SH3RF1: variants seen among roughly 807,000 people sequenced by gnomAD.
SH3RF1 encodes the protein E3 ubiquitin-protein ligase SH3RF1.
Under a neutral mutation model 74.0 loss-of-function variants are expected in SH3RF1, and 32 were observed. The ratio of observed to expected loss-of-function variants is 0.43; its 90% CI spans 0.33 to 0.58. The LOEUF (loss-of-function observed/expected upper bound fraction) is 0.58, where lower values mean the gene tolerates loss of function less well. SH3RF1 is among the 20% of genes least tolerant of loss of function. The pLI is 0.05. For synonymous variants in SH3RF1, 396 were observed against 439.6 expected (o/e 0.90, Z 1.24); for missense variants, 954 against 1,130.9 (o/e 0.84, Z 2.24).
chr4:169,112,783 T>A (rs113472843), intron 10 of SH3RF1, among the ~76,000 whole-genome samples: 1 of 151,918 alleles, frequency 6.6e-6, no homozygotes, highest in Admixed American at 6.5e-5. Context: ...CAAAAAAAAA[T>A]TTTGTAAGAG....
chr4:169,205,555 G>C (rs1307642288), intron 2 of SH3RF1, among the ~76,000 whole-genome samples: 1 of 152,170 alleles, frequency 6.6e-6, no homozygotes, highest in Non-Finnish European at 1.5e-5. Context: ...GCACAGTGCA[G>C]CACTGAGCAT....
chr4:169,111,838 C>T (rs965310123), intron 10 of SH3RF1, among the ~76,000 whole-genome samples: 1 of 152,118 alleles, frequency 6.6e-6, no homozygotes, highest in Non-Finnish European at 1.5e-5. Flanking sequence ...GTTTCAGATG[C>T]CTGTTTATCA....
rs182380151 is a variant in SH3RF1, at chr4:169,214,657, A to G, written c.393+54163T>C. On this transcript the variant is annotated intron_variant, in intron 2 of 11. Coordinates refer to ENST00000284637, the MANE Select transcript of SH3RF1 (RefSeq NM_020870.4). The stretch of plus-strand genomic sequence containing the variant: ...TGCATGTTTTGTTAGCTTTATAGCT[A>G]TAAGTATATAGGTCCATATATATGT... Among the ~76,000 whole-genome samples, 274 of 152,258 alleles carry G rather than the reference A, an allele frequency of 1.8e-3. 1 individual carries two copies. Among genetic ancestry groups the G allele is most frequent in the Non-Finnish European group, 2.9e-3 (197 of 68,018 alleles).
At chr4:169,193,288 G>GTGAA (rs1345956785) in intron 2 of SH3RF1, among the ~76,000 whole-genome samples, 4 of 152,162 alleles carry the variant, frequency 2.6e-5, no homozygotes, top group East Asian at 3.9e-4. Flanking sequence ...TATGGAAATA[G>GTGAA]TGAATGAATG....
At chr4:169,214,745 T>C (rs1423086417) in intron 2 of SH3RF1, among the ~76,000 whole-genome samples, 1 of 152,178 alleles carries the variant, frequency 6.6e-6, no homozygotes, top group African/African-American at 2.4e-5. Context: ...GTTTTTAACT[T>C]CTAGTTTCAT....
chr4:169,156,350 T>A, intron 3 of SH3RF1, 54 bp downstream of exon 3: 1 of 1,480,902 alleles, frequency 6.8e-7, no homozygotes, highest in Non-Finnish European at 9.0e-7. Context: ...TTTCTATGTA[T>A]CTGGGTACAG....
At chr4:169,187,979 G>A (rs1222345058) in intron 2 of SH3RF1, among the ~76,000 whole-genome samples, 2 of 152,116 alleles carry the variant, frequency 1.3e-5, no homozygotes, top group Admixed American at 1.3e-4. Flanking sequence ...TCAGAGTGAA[G>A]AAGGCTGGGT....
intron 4 of SH3RF1, among the ~76,000 whole-genome samples, chr4:169,143,094 T>C (rs1579103870): frequency 1.3e-5 from 2 of 152,176 alleles, no homozygotes; most frequent in African/African-American, 4.8e-5. Flanking sequence ...ATTTGTTGAA[T>C]GAATAAAAAT....
In SH3RF1 at chr4:169,156,658, C is replaced by A; in HGVS notation, c.415G>T (p.Ala139Ser). The A allele has an allele frequency of 6.2e-7, 1 of 1,611,178 alleles. No homozygotes were observed. ...CCTTCATAGTTGTATAATGCTTTGG[C>A]ACATGGTAACTGAGGTATACCCTTT... Reference protein sequence around the residue: ...PVRGIPQLPCAKALYNYEGKE... With the variant: ...PVRGIPQLPCSKALYNYEGKE... The change falls in exon 3 of 12, where the codon GCC becomes TCC. Residue 139 changes from alanine (A) to serine (S), a missense_variant. Physicochemically the swap from Ala to Ser is moderately conservative, Grantham distance 99 (BLOSUM62 1). This residue lies in a region of SH3RF1 where 854 missense variants were observed against 962.5 expected (regional missense o/e 0.89). Transcript: ENST00000284637.
Position 169,117,541 on chromosome 4 carries a change from G to C in SH3RF1, c.1759C>G (p.Arg587Gly). The C allele has an allele frequency of 1.2e-6, 2 of 1,614,182 alleles. No homozygotes were observed. The highest frequency in any genetic ancestry group is 1.7e-6 in the Non-Finnish European group (2 of 1,180,036). ...TCCTTACCTGTCCTCACAGCATTGC[G>C]GGCCTGGTTGACTGTCATTTGCCCC... ...MTGQMTVNQA[R>G]NAVRTVAAHN... Residue 587 changes from arginine (R) to glycine (G), a missense_variant, in exon 9 of 12, where the codon CGC (arginine) becomes GGC (glycine). Arg to Gly is a moderately radical substitution (Grantham distance 125, BLOSUM62 -2). Coordinates refer to ENST00000284637, the MANE Select transcript of SH3RF1 (RefSeq NM_020870.4).
At chr4:169,179,417 T>G (rs1382475265) in intron 2 of SH3RF1, among the ~76,000 whole-genome samples, 1 of 152,218 alleles carries the variant, frequency 6.6e-6, no homozygotes, top group Admixed American at 6.5e-5. Context: ...AAAATTACTT[T>G]GTAGTTTTAA....
intron 2 of SH3RF1, among the ~76,000 whole-genome samples, chr4:169,204,422 C>T (rs1730198444): frequency 6.6e-6 from 1 of 152,096 alleles, no homozygotes. Context: ...AAACAAAAAA[C>T]TTAAACCAAG....
chr4:169,251,477 A>G (rs1249021732), intron 2 of SH3RF1, among the ~76,000 whole-genome samples: 1 of 152,186 alleles, frequency 6.6e-6, no homozygotes, highest in Admixed American at 6.5e-5. Context: ...GTCATGTAAG[A>G]CTGAATAGTT....
intron 10 of SH3RF1, among the ~76,000 whole-genome samples, chr4:169,114,261 A>T (rs1733292948): frequency 1.3e-5 from 2 of 152,130 alleles, no homozygotes; most frequent in South Asian, 4.1e-4. Context: ...GGCTTCCTGT[A>T]TTCCTTGACC....
chr4:169,244,120 T>G (rs1328606746), intron 2 of SH3RF1, among the ~76,000 whole-genome samples: 1 of 152,248 alleles, frequency 6.6e-6, no homozygotes, highest in Non-Finnish European at 1.5e-5. Flanking sequence ...CAAAATTACA[T>G]GGAGTGAGTT....
intron 2 of SH3RF1, among the ~76,000 whole-genome samples, chr4:169,265,005 G>T (rs1347058496): frequency 1.3e-5 from 2 of 152,106 alleles, no homozygotes; most frequent in Non-Finnish European, 2.9e-5. Context: ...TCCTCAGGAA[G>T]CTTTTGAAGA....
At chr4:169,174,233 T>C (rs1429753316) in intron 2 of SH3RF1, among the ~76,000 whole-genome samples, 3 of 152,114 alleles carry the variant, frequency 2.0e-5, no homozygotes, top group Admixed American at 6.5e-5. Flanking sequence ...GGCTAATTTT[T>C]GTATGTTTTG....
rs192669374 is a variant in SH3RF1 at position 169,127,218 on chromosome 4, T to C, written c.1179+2828A>G. On this transcript the variant is annotated intron_variant, in intron 6 of 11. Transcript: ENST00000284637. ...TTTTAACTGTTACATGTGAAATGTA[T>C]GGGACAATGTTTATAACTTCGTTCT... Among the ~76,000 whole-genome samples, 13 of 152,344 alleles carry C rather than the reference T, an allele frequency of 8.5e-5. No individual in the cohort carries two copies. In the East Asian group the frequency reaches 2.5e-3, roughly 29 times the overall value.
chr4:169,208,176 C>T (rs1730293326), intron 2 of SH3RF1, among the ~76,000 whole-genome samples: 1 of 148,820 alleles, frequency 6.7e-6, no homozygotes, highest in Non-Finnish European at 1.5e-5. Context: ...TAAAAGGAAA[C>T]CACATTCCTT....
Sources: allele counts gnomAD v4.1 joint callset (sites outside exome capture counted in the v4.1 genomes callset), GRCh38; gene constraint gnomAD v4.1.1; regional missense constraint gnomAD v4.1.1; transcripts MANE v1.5; gene names NCBI Gene and HGNC (gene_info 2026-07-23, HGNC 2026-07-21).